The following TFPI2 variants were observed in gnomAD, a reference collection of about 807,000 sequenced individuals.
TFPI2 encodes tissue factor pathway inhibitor 2.
TFPI2 carries 23 observed loss-of-function variants against 23.1 expected under a neutral mutation model. The ratio of observed to expected loss-of-function variants is 1.00; its 90% confidence interval spans 0.72 to 1.41. TFPI2 has a LOEUF of 1.41. Among genes scored for constraint, TFPI2 ranks in the 40% most tolerant of loss-of-function variants. The pLI is 0.00. For missense variants in TFPI2, 291 were observed against 299.6 expected, an observed-to-expected ratio of 0.97 and a Z score of 0.21; for synonymous variants, 119 against 111.7, an observed-to-expected ratio of 1.07 and a Z score of -0.41.
At chr7:93,890,097 C>A (rs1794093816) in intron 2 of TFPI2, 40 bp downstream of exon 2, 1 of 1,512,554 alleles carries the variant, frequency 6.6e-7, no homozygotes, top group Non-Finnish European at 8.9e-7. Context: ...GCCGCCGGCG[C>A]AAGGAGCGCG....
Position 93,887,261 on chromosome 7 carries a change from C to T in TFPI2, c.631G>A (p.Ala211Thr), listed in dbSNP as rs768283623. ...GGTGGAATAAGAAAACATTCACTACCTTTTGCACATGCACGTTTGCAATCC... is the reference window on the plus strand; with the variant it reads ...GGTGGAATAAGAAAACATTCACTACTTTTTGCACATGCACGTTTGCAATCC... ...REDCKRACAK[A>T]LKKKKKMPKL... The change falls in exon 4 of 5, where the codon GCT becomes ACT. Residue 211 changes from alanine (A) to threonine (T), a missense_variant and splice_region_variant. Transcript: ENST00000222543. 1.9e-6 allele frequency: 3 copies of T among 1,606,180 alleles called. No individual in the cohort carries two copies. Among genetic ancestry groups the T allele is most frequent in the Non-Finnish European group, 2.5e-6 (3 of 1,176,964 alleles).
rs924377243 is a variant in TFPI2, at chr7:93,885,575, G to C, written c.*1245C>G. The C allele has an allele frequency of 1.1e-4, 17 of 152,020 alleles. No individual in the cohort carries two copies. The highest frequency in any genetic ancestry group is 3.9e-4 in the African/African-American group (16 of 41,532). The allele number at this position is 152,020 out of a possible 1,614,324, so 9.4% of individuals were successfully genotyped here. ...TAATATCTTTAGTATCTTCTGTGAT[G>C]TTTGTGTATATGTGTGTTTATTCAT... is the stretch of plus-strand genomic sequence containing the variant. On this transcript the variant is annotated 3_prime_UTR_variant, in exon 5 of 5. Transcript: ENST00000222543.
At position 93,890,658 on chromosome 7, in the gene TFPI2, C is replaced by G. The variant is rs779984472; in HGVS notation, c.21G>C (p.Leu7=). ...GGAAAAGCAGCAGAATCGACAGCCC[C>G]AGGGGGCGAGCGGGGTCCATGGTGC... MDPARP[L]GLSILLLFLT... Residue 7 remains leucine, a synonymous_variant, in exon 1 of 5, where the codon CTG becomes CTC. Transcript: ENST00000222543. 2 of 1,613,002 alleles carry G rather than the reference C, an allele frequency of 1.2e-6. No homozygotes were observed. Among genetic ancestry groups the G allele is most frequent in the African/African-American group, 2.7e-5 (2 of 74,968 alleles).
rs769241306 is a variant in TFPI2, at chr7:93,890,304, A to G, written c.104T>C (p.Ile35Thr). The G allele has an allele frequency of 6.8e-6, 11 of 1,606,602 alleles. No individual in the cohort carries two copies. In the Admixed American group the frequency reaches 1.7e-4, roughly 25 times the overall value. ...TCCGTAGTCTAGGGGCAGGAGACAG[A>G]TCTCCGCGTTATTTCCTGAAGAAGG... ...AQEPTGNNAE[I>T]CLLPLDYGPC... Residue 35 changes from isoleucine to threonine, a missense_variant, in exon 2 of 5, where the codon ATC (isoleucine) becomes ACC (threonine). Coordinates refer to ENST00000222543, the MANE Select transcript of TFPI2 (RefSeq NM_006528.4).
intron 3 of TFPI2, among the ~76,000 whole-genome samples, chr7:93,887,928 A>G (rs549712095): frequency 6.6e-6 from 1 of 152,376 alleles, no homozygotes; most frequent in Non-Finnish European, 1.5e-5. Flanking sequence ...CATTAACTCA[A>G]GATTTTGCAT....
At chr7:93,889,698 G>C (rs1458606727) in intron 2 of TFPI2, among the ~76,000 whole-genome samples, 1 of 152,140 alleles carries the variant, frequency 6.6e-6, no homozygotes, top group Non-Finnish European at 1.5e-5. Context: ...GTTATATAAT[G>C]AGCTAAGTCA....
chr7:93,887,480 T>C, intron 3 of TFPI2, 49 bp from the exon 4 acceptor site: 1 of 1,472,656 alleles, frequency 6.8e-7, no homozygotes, highest in Non-Finnish European at 9.3e-7. Flanking sequence ...ACCAGAATTT[T>C]TAAATTATGG....
In TFPI2 at chr7:93,890,409, C is replaced by G. The variant is rs1290567256; in HGVS notation, c.89-90G>C. 12 of 1,486,644 alleles carry G rather than the reference C, an allele frequency of 8.1e-6. No homozygotes were observed. In the East Asian group the frequency reaches 2.6e-4, roughly 32 times the overall value. The allele number at this position is 1,486,644 out of a possible 1,614,324, so 92.1% of individuals were successfully genotyped here. A position where few individuals can be genotyped will look rare whatever the true frequency, so the allele number is the denominator to read the frequency against. On this transcript the variant is annotated intron_variant, in intron 1 of 4. Coordinates refer to ENST00000222543, the MANE Select transcript of TFPI2 (RefSeq NM_006528.4). ...AAGAACATCCCGGGGAGTTCTGTCCCCTTCCGAGCGGAGGGGCCTCTGCAG... is the reference window on the plus strand; with the variant it reads ...AAGAACATCCCGGGGAGTTCTGTCCGCTTCCGAGCGGAGGGGCCTCTGCAG...
chr7:93,886,946 C>G (rs1187651387), intron 4 of TFPI2, 50 bp from the exon 5 acceptor site: 1 of 1,331,350 alleles, frequency 7.5e-7, no homozygotes, highest in African/African-American at 1.5e-5. Flanking sequence ...AGTCTGTAGG[C>G]TCACTATAAA....
At chr7:93,888,049 T>A (rs192552878) in intron 3 of TFPI2, among the ~76,000 whole-genome samples, 213 of 152,324 alleles carry the variant, frequency 1.4e-3, no homozygotes, top group Middle Eastern at 6.8e-3. Flanking sequence ...GCCTGTATTG[T>A]CTCCCTCTGC....
intron 3 of TFPI2, among the ~76,000 whole-genome samples, chr7:93,888,579 AGGAAGGAAAG>A (rs1462553272): frequency 1.9e-4 from 21 of 110,154 alleles, no homozygotes; most frequent in South Asian, 1.5e-3. Context: ...GAAGGAAGGA[AGGAAGGAAAG>A]AGAAAGAAAG....
intron 3 of TFPI2, among the ~76,000 whole-genome samples, chr7:93,888,349 G>A (rs780749598): frequency 6.6e-6 from 1 of 151,930 alleles, no homozygotes; most frequent in Non-Finnish European, 1.5e-5. Flanking sequence ...TTGAGTAGCT[G>A]AGAAATAGTT....
rs1794076053 is a variant in TFPI2, at chr7:93,889,182, G to A, written c.313C>T (p.Gln105Ter). The A allele has an allele frequency of 6.2e-7, 1 of 1,605,036 alleles. No individual in the cohort carries two copies. Among genetic ancestry groups the A allele is most frequent in the Non-Finnish European group, 8.5e-7 (1 of 1,176,220 alleles). The change falls in exon 3 of 5, where the codon CAG (glutamine) becomes TAG (stop). Residue 105 changes from glutamine to a stop codon, truncating the protein, a stop_gained. Coordinates refer to ENST00000222543, the MANE Select transcript of TFPI2 (RefSeq NM_006528.4). LOFTEE classifies it high-confidence loss of function. ...TACTTTTCTGTGGACCCCTCACACT[G>A]GTCGTCCACACTCACTTGCAGCCGG... ...VCRLQVSVDDQCEGSTEKYFF... is the reference protein window; with the variant it reads ...VCRLQVSVDD
intron 3 of TFPI2, among the ~76,000 whole-genome samples, chr7:93,887,882 A>G (rs992481658): frequency 6.6e-6 from 1 of 152,242 alleles, no homozygotes; most frequent in African/African-American, 2.4e-5. Flanking sequence ...ATTTATATGT[A>G]CACAAACAAG....
At chr7:93,887,231 C>G in intron 4 of TFPI2, 30 bp downstream of exon 4, 2 of 1,567,582 alleles carry the variant, frequency 1.3e-6, no homozygotes, top group Non-Finnish European at 1.7e-6. Flanking sequence ...TAAAGTTTAT[C>G]TAAAGGTGGA....
Position 93,886,781 on chromosome 7 carries a change from T to A in TFPI2, c.*39A>T. ...CTTCAGATACAACCATAAAGGCAAA[T>A]AAGCCATAAAGACAAACAAGATGAC... On this transcript the variant is annotated 3_prime_UTR_variant, in exon 5 of 5. Coordinates refer to ENST00000222543, the MANE Select transcript of TFPI2 (RefSeq NM_006528.4). 7.7e-7 allele frequency: 1 copy of A among 1,295,940 alleles called. No homozygotes were observed. The highest frequency in any genetic ancestry group is 1.9e-4 in the Middle Eastern group (1 of 5,370). The allele number at this position is 1,295,940 out of a possible 1,614,324, so 80.3% of individuals were successfully genotyped here. A position where few individuals can be genotyped will look rare whatever the true frequency, so the allele number is the denominator to read the frequency against.
Position 93,890,236 on chromosome 7 carries a change from T to A in TFPI2, c.172A>T (p.Thr58Ser). ...TACAGGAACTGGCGGCAGCTCTGCG[T>A]GTACCTGTCGTAGTAGTAACGGAGA... The part of the protein sequence containing the change: ...LLLRYYYDRY[T>S]QSCRQFLYGG... The change falls in exon 2 of 5, where the codon ACG (threonine) becomes TCG (serine). Residue 58 changes from threonine (T) to serine (S), a missense_variant. Coordinates refer to ENST00000222543, the MANE Select transcript of TFPI2 (RefSeq NM_006528.4). 6.2e-7 allele frequency: 1 copy of A among 1,614,060 alleles called. No homozygotes were observed. The highest frequency in any genetic ancestry group is 1.6e-4 in the Middle Eastern group (1 of 6,062).
chr7:93,890,536 C>T lies in TFPI2; in HGVS notation c.88+55G>A, dbSNP rs1383729442. The T allele has an allele frequency of 3.2e-6, 5 of 1,573,258 alleles. No individual in the cohort carries two copies. The Admixed American group carries it at 9.2e-5, about 29-fold the overall frequency. On this transcript the variant is annotated intron_variant, in intron 1 of 4. Transcript: ENST00000222543. ...AGGGCGCCTACACGGGGCCCCATGG[C>T]CCGCTGCGCCCTCTCCGCCGGTTGG...
intron 3 of TFPI2, among the ~76,000 whole-genome samples, chr7:93,887,862 T>C (rs1446014807): frequency 6.6e-6 from 1 of 152,230 alleles, no homozygotes; most frequent in Non-Finnish European, 1.5e-5. Flanking sequence ...AGGTAACCAC[T>C]GGAGCAAACA....
Sources: allele counts gnomAD v4.1 joint callset (sites outside exome capture counted in the v4.1 genomes callset), GRCh38; gene constraint gnomAD v4.1.1; transcripts MANE v1.5; gene names NCBI Gene and HGNC (gene_info 2026-07-23, HGNC 2026-07-21).